Variants in DAB1 observed in about 807,000 individuals in gnomAD.
The protein encoded by DAB1 is DAB adaptor protein 1.
DAB1 carries 15 observed loss-of-function variants against 64.6 expected under a neutral mutation model. The observed-to-expected ratio is 0.23, with a 90% CI of 0.16 to 0.36. The LOEUF is 0.36. DAB1 is among the 10% of genes least tolerant of loss of function. DAB1 has a pLI of 1.00. For synonymous variants in DAB1, 235 were observed against 251.9 expected, an observed-to-expected ratio of 0.93 and a Z score of 0.64; for missense variants, 596 against 706.7, an observed-to-expected ratio of 0.84 and a Z score of 1.78.
At chr1:57,008,668 T>C (rs902873739) in intron 14 of DAB1, among the ~76,000 whole-genome samples, 4 of 152,214 alleles carry the variant, frequency 2.6e-5, no homozygotes, top group Non-Finnish European at 5.9e-5. Flanking sequence ...GATGCTGAAC[T>C]CAAACAATGT....
intron 1 of DAB1, among the ~76,000 whole-genome samples, chr1:57,310,471 A>T (rs1332943945): frequency 6.6e-6 from 1 of 152,148 alleles, no homozygotes; most frequent in Non-Finnish European, 1.5e-5. Context: ...TGGATACCAG[A>T]GCTGGGCCCT....
At chr1:57,336,381 A>G (rs1244253828) in intron 1 of DAB1, among the ~76,000 whole-genome samples, 1 of 152,244 alleles carries the variant, frequency 6.6e-6, no homozygotes, top group East Asian at 1.9e-4. Context: ...TGGGCAATTT[A>G]GGCAAAATTT....
chr1:58,040,537 A>C (rs1647119357), intron 5 of DAB1, among the ~76,000 whole-genome samples: 1 of 152,222 alleles, frequency 6.6e-6, no homozygotes, highest in Non-Finnish European at 1.5e-5. Context: ...AATTTCTACC[A>C]GTACAGATAA....
At position 57,432,333 on chromosome 1, in the gene DAB1, A is replaced by AT. The variant is rs74260675; in HGVS notation, n.626-141168dup. On this transcript the variant is annotated intron_variant and non_coding_transcript_variant, in intron 7 of 20. Transcript: ENST00000485760. ...TGGGAAACCAGTCCTCTACCTGGTAATTTTTTTTTTTCTATTTAATTTTGG... is the reference window on the plus strand; with the variant it reads ...TGGGAAACCAGTCCTCTACCTGGTAATTTTTTTTTTTTCTATTTAATTTTGG... Among the ~76,000 whole-genome samples the AT allele has an allele frequency of 9.7e-3, 1,441 of 148,550 alleles. 20 individuals are homozygous for AT. Among genetic ancestry groups the AT allele is most frequent in the African/African-American group, 0.034 (1,368 of 40,640 alleles).
rs770415073 is a variant in DAB1 at position 58,286,970 on chromosome 1, G to A, written n.309+56382C>T. Among the ~76,000 whole-genome samples the A allele has an allele frequency of 7.2e-5, 11 of 152,144 alleles. No individual in the cohort carries two copies. The East Asian group carries it at 7.7e-4, about 11-fold the overall frequency. ...AAAGAAAATGTGGTACATATACACC[G>A]TGGAATACTATGCATCCATAAAAAG... On this transcript the variant is annotated intron_variant and non_coding_transcript_variant, in intron 4 of 20. Transcript: ENST00000485760.
chr1:58,081,437 C>A (rs1416796349), intron 5 of DAB1, among the ~76,000 whole-genome samples: 1 of 152,216 alleles, frequency 6.6e-6, no homozygotes, highest in African/African-American at 2.4e-5. Context: ...AGAACCTATG[C>A]TGATGGAGCA....
intron 4 of DAB1, among the ~76,000 whole-genome samples, chr1:57,123,036 G>T (rs1656804760): frequency 6.6e-6 from 1 of 151,934 alleles, no homozygotes; most frequent in Admixed American, 6.6e-5. Context: ...GCAAAGAAAA[G>T]AATATATAAA....
chr1:57,660,205 T>C (rs571628469), intron 6 of DAB1, among the ~76,000 whole-genome samples: 1 of 152,264 alleles, frequency 6.6e-6, no homozygotes, highest in South Asian at 2.1e-4. Flanking sequence ...TGAGTTTGCA[T>C]TCATGGAGAG....
intron 1 of DAB1, among the ~76,000 whole-genome samples, chr1:57,365,588 G>C (rs901432819): frequency 6.6e-6 from 1 of 151,836 alleles, no homozygotes; most frequent in Non-Finnish European, 1.5e-5. Flanking sequence ...GAAGACACAG[G>C]TAATAATATC....
chr1:57,490,837 T>C (rs575054564), intron 7 of DAB1, among the ~76,000 whole-genome samples: 22 of 152,198 alleles, frequency 1.4e-4, no homozygotes, highest in Non-Finnish European at 2.4e-4. Flanking sequence ...AGGTAGAGAG[T>C]TGATACAAAT....
intron 3 of DAB1, among the ~76,000 whole-genome samples, chr1:58,504,264 C>T (rs955416075): frequency 1.3e-5 from 2 of 152,188 alleles, no homozygotes; most frequent in Admixed American, 6.5e-5. Context: ...CTGTTCTTCC[C>T]TTCCCTTACT....
At chr1:58,263,679 A>G (rs74423607) in intron 4 of DAB1, among the ~76,000 whole-genome samples, 2,026 of 152,334 alleles carry the variant, frequency 0.013, 47 homozygotes, top group African/African-American at 0.047. Flanking sequence ...TGGAATGTCA[A>G]TAAGTATATC....
At chr1:58,328,163 C>G (rs1557732468) in intron 4 of DAB1, among the ~76,000 whole-genome samples, 2 of 152,256 alleles carry the variant, frequency 1.3e-5, no homozygotes, top group Non-Finnish European at 2.9e-5. Flanking sequence ...GCTTCCTCTC[C>G]CTTCCCTTCA....
intron 2 of DAB1, among the ~76,000 whole-genome samples, chr1:58,523,626 G>GAA (rs1646302042): frequency 6.6e-6 from 1 of 152,082 alleles, no homozygotes; most frequent in Admixed American, 6.5e-5. Flanking sequence ...CTGGCCGGGC[G>GAA]CAGTGGCTCA....
chr1:57,641,530 C>T (rs1570698284), intron 7 of DAB1, among the ~76,000 whole-genome samples: 1 of 151,784 alleles, frequency 6.6e-6, no homozygotes, highest in Middle Eastern at 3.4e-3. Context: ...ACTACAGACG[C>T]CCGCCACTAC....
At chr1:57,324,244 A>G (rs1287031049) in intron 1 of DAB1, among the ~76,000 whole-genome samples, 1 of 152,220 alleles carries the variant, frequency 6.6e-6, no homozygotes, top group African/African-American at 2.4e-5. Context: ...ATTACAGAGG[A>G]GGAGTCGGGA....
intron 4 of DAB1, among the ~76,000 whole-genome samples, chr1:58,190,559 C>A (rs1024347609): frequency 6.6e-6 from 1 of 152,158 alleles, no homozygotes; most frequent in African/African-American, 2.4e-5. Flanking sequence ...ACCACTCCAA[C>A]TAGAAAGAGC....
intron 5 of DAB1, among the ~76,000 whole-genome samples, chr1:57,969,840 T>G (rs1035685040): frequency 6.6e-6 from 1 of 152,184 alleles, no homozygotes; most frequent in Admixed American, 6.5e-5. Flanking sequence ...TTTAGATCAG[T>G]TTTGTGCTTT....
chr1:58,513,549 G>A (rs144074712), intron 2 of DAB1, among the ~76,000 whole-genome samples: 193 of 152,204 alleles, frequency 1.3e-3, no homozygotes, highest in African/African-American at 4.4e-3. Flanking sequence ...AATGGCTACC[G>A]CTGGCCAGAG....
Sources: allele counts gnomAD v4.1 joint callset (sites outside exome capture counted in the v4.1 genomes callset), GRCh38; gene constraint gnomAD v4.1.1; transcripts MANE v1.5; gene names NCBI Gene and HGNC (gene_info 2026-07-23, HGNC 2026-07-21).